Variants in RANBP2 observed in about 807,000 individuals in gnomAD.
RANBP2 encodes the protein RAN binding protein 2, also known as E3 SUMO-protein ligase RanBP2.
RANBP2 carries 57 observed loss-of-function variants against 303.6 expected under a neutral mutation model. The ratio of observed to expected loss-of-function variants is 0.19; its 90% CI spans 0.15 to 0.23. The LOEUF (loss-of-function observed/expected upper bound fraction) is 0.23. Among genes scored for constraint, RANBP2 ranks in the 10% least tolerant of loss-of-function variants. RANBP2 has a pLI of 1.00. For missense variants in RANBP2, 3,138 were observed against 3,780.8 expected, an observed-to-expected ratio of 0.83 and a Z score of 4.46; for synonymous variants, 1,167 against 1,301.5, an observed-to-expected ratio of 0.90 and a Z score of 2.23.
chr2:109,674,464 G>A, the RANBP2 span, among the ~76,000 whole-genome samples: 1 of 147,900 alleles, frequency 6.8e-6, no homozygotes, highest in East Asian at 2.0e-4. Context: ...TGTACCTGTA[G>A]TCCCAGCTAC....
chr2:108,772,364 A>C, intron 21 of RANBP2, 125 bp from the exon 22 acceptor site: 1 of 697,046 alleles, frequency 1.4e-6, no homozygotes, highest in South Asian at 1.7e-5. Flanking sequence ...GAGAGGTATT[A>C]AAGATATAAA....
At chr2:109,104,811 A>G in the RANBP2 span, among the ~76,000 whole-genome samples, 4 of 152,174 alleles carry the variant, frequency 2.6e-5, no homozygotes, top group African/African-American at 9.7e-5. Flanking sequence ...TTGGTTTACA[A>G]TGGTAACAGC....
At chr2:109,270,469 T>A in the RANBP2 span, among the ~76,000 whole-genome samples, 2 of 152,308 alleles carry the variant, frequency 1.3e-5, no homozygotes, top group East Asian at 3.9e-4. Flanking sequence ...TTCCACTGCC[T>A]GAGCTGGGGC....
the RANBP2 span, among the ~76,000 whole-genome samples, chr2:108,813,905 A>G: frequency 2.0e-5 from 3 of 152,216 alleles, no homozygotes. Context: ...CAGCATAATT[A>G]TGAGTGTATC....
At chr2:109,728,414 C>T in the RANBP2 span, among the ~76,000 whole-genome samples, 21 of 152,176 alleles carry the variant, frequency 1.4e-4, no homozygotes, top group African/African-American at 5.1e-4. Context: ...ACGGATACTA[C>T]TAAATACAGT....
chr2:109,129,316 C>T, the RANBP2 span: 8 of 750,546 alleles, frequency 1.1e-5, no homozygotes, highest in African/African-American at 9.3e-5. Flanking sequence ...CAGGACTGGG[C>T]GGGCTCGGCT....
At chr2:109,165,333 A>C in the RANBP2 span, among the ~76,000 whole-genome samples, 125,073 of 152,192 alleles carry the variant, frequency 0.82, 51,532 homozygotes, top group East Asian at 0.89. Flanking sequence ...TCCCTCCCTC[A>C]TCCTTCCTGC....
At chr2:108,990,617 G>T in the RANBP2 span, among the ~76,000 whole-genome samples, 15 of 151,416 alleles carry the variant, frequency 9.9e-5, no homozygotes, top group Admixed American at 8.5e-4. Flanking sequence ...GAAAAGAAAA[G>T]AAAAAAGCAG....
At chr2:108,851,528 C>G in the RANBP2 span, among the ~76,000 whole-genome samples, 1 of 152,156 alleles carries the variant, frequency 6.6e-6, no homozygotes, top group Admixed American at 6.6e-5. Context: ...TGTTGAACTC[C>G]TGAATTCAGG....
chr2:109,296,390 G>GT, the RANBP2 span, among the ~76,000 whole-genome samples: 3,271 of 148,386 alleles, frequency 0.022, 103 homozygotes, highest in African/African-American at 0.075. Flanking sequence ...ACCACACCCA[G>GT]TTTTTTTTTT....
chr2:109,190,326 A>G, the RANBP2 span, among the ~76,000 whole-genome samples: 1 of 152,216 alleles, frequency 6.6e-6, no homozygotes, highest in African/African-American at 2.4e-5. Context: ...GGCATCTGCC[A>G]CCACGCCTGG....
chr2:109,724,481 A>G, the RANBP2 span, among the ~76,000 whole-genome samples: 1 of 152,100 alleles, frequency 6.6e-6, no homozygotes, highest in Non-Finnish European at 1.5e-5. Flanking sequence ...CACCTCCATC[A>G]ATCCTTCTCT....
the RANBP2 span, among the ~76,000 whole-genome samples, chr2:109,709,167 A>G: frequency 2.7e-5 from 4 of 150,130 alleles, no homozygotes; most frequent in Admixed American, 6.6e-5. Context: ...TTAGCCAGGC[A>G]TGGGGGTGCA....
chr2:109,081,731 G>A, the RANBP2 span, among the ~76,000 whole-genome samples: 2 of 152,050 alleles, frequency 1.3e-5, no homozygotes, highest in East Asian at 1.9e-4. Flanking sequence ...GCAACCCCTC[G>A]GCCCCACCAT....
the RANBP2 span, among the ~76,000 whole-genome samples, chr2:108,978,435 C>A: frequency 1.3e-5 from 2 of 152,188 alleles, no homozygotes; most frequent in Non-Finnish European, 2.9e-5. Context: ...CTTTGCTAAT[C>A]TGTGGGCTTG....
the RANBP2 span, among the ~76,000 whole-genome samples, chr2:109,097,883 G>A: frequency 2.0e-5 from 3 of 151,996 alleles, no homozygotes; most frequent in Admixed American, 1.3e-4. Flanking sequence ...CCTTGGTTCT[G>A]GGTCCAGCAT....
the RANBP2 span, among the ~76,000 whole-genome samples, chr2:109,143,193 A>T: frequency 6.6e-6 from 1 of 152,240 alleles, no homozygotes; most frequent in Non-Finnish European, 1.5e-5. Context: ...TGGTGCATAT[A>T]GAAAAATTGT....
chr2:108,722,896 A>G (rs576978596), intron 1 of RANBP2, among the ~76,000 whole-genome samples: 30 of 152,162 alleles, frequency 2.0e-4, no homozygotes, highest in Middle Eastern at 6.8e-3. Flanking sequence ...GTCTCCAAAA[A>G]AGAAAAAAAG....
chr2:109,506,440 G>A, the RANBP2 span, among the ~76,000 whole-genome samples: 47 of 152,350 alleles, frequency 3.1e-4, no homozygotes, highest in African/African-American at 1.1e-3. Context: ...TCTTAGAGAG[G>A]CACCTAAACA....
Sources: gnomAD v4.1 joint callset for allele counts (sites outside exome capture counted in the v4.1 genomes callset) on GRCh38, gnomAD v4.1.1 for gene constraint, MANE v1.5 for transcripts, NCBI Gene and HGNC (gene_info 2026-07-23, HGNC 2026-07-21) for gene names.